PLCE1: variants seen among roughly 807,000 people sequenced by gnomAD.
PLCE1 encodes the protein phospholipase C epsilon 1, also known as 1-phosphatidylinositol 4,5-bisphosphate phosphodiesterase epsilon-1.
A neutral mutation model predicts 242.8 loss-of-function variants in PLCE1; 119 were observed. The ratio of observed to expected loss-of-function variants is 0.49; its 90% CI spans 0.42 to 0.57. The LOEUF is 0.57. PLCE1 is among the 20% of genes least tolerant of loss of function. The pLI, the probability that PLCE1 is intolerant of heterozygous loss-of-function variation, is 0.00. For missense variants in PLCE1, 2,441 were observed against 2,788.8 expected (o/e 0.88, Z 2.81); for synonymous variants, 945 against 1,017.4 (o/e 0.93, Z 1.35).
intron 2 of PLCE1, among the ~76,000 whole-genome samples, chr10:94,070,782 C>T (rs2044329398): frequency 6.6e-6 from 1 of 152,284 alleles, no homozygotes; most frequent in South Asian, 2.1e-4. Flanking sequence ...ATTGTTTATT[C>T]TATACCTTCA....
intron 6 of PLCE1, among the ~76,000 whole-genome samples, chr10:94,234,613 G>C (rs113564564): frequency 1.5e-4 from 23 of 152,184 alleles, no homozygotes; most frequent in African/African-American, 5.6e-4. Context: ...TTCTTATTGG[G>C]TGGGAATGTC....
chr10:94,173,401 T>C (rs1352742386), intron 4 of PLCE1, among the ~76,000 whole-genome samples: 5 of 152,188 alleles, frequency 3.3e-5, no homozygotes, highest in Non-Finnish European at 7.3e-5. Flanking sequence ...TGATTTTCCT[T>C]ACTGATAAAA....
At chr10:94,281,792 C>G (rs2052236135) in intron 20 of PLCE1, among the ~76,000 whole-genome samples, 1 of 152,082 alleles carries the variant, frequency 6.6e-6, no homozygotes, top group African/African-American at 2.4e-5. Context: ...CTGGATGATT[C>G]TCAAACAGGC....
At chr10:94,269,073 A>G in intron 17 of PLCE1, 37 bp downstream of exon 17, 2 of 1,005,274 alleles carry the variant, frequency 2.0e-6, no homozygotes, top group Non-Finnish European at 1.6e-6. Flanking sequence ...CAAATCACAA[A>G]GAGACATTAT....
rs141055454 is a variant in PLCE1 at position 94,295,986 on chromosome 10, C to G, written c.5167+2347C>G. ...AAGAGAGACAGCCTTTTCTTTGAAG[C>G]CAGGCATTGACTTATCTTCTCTAGC... On this transcript the variant is annotated intron_variant, in intron 23 of 32. Coordinates refer to ENST00000371380, the MANE Select transcript of PLCE1 (RefSeq NM_016341.4). 4.0e-3 allele frequency among the ~76,000 whole-genome samples: 606 copies of G among 152,284 alleles called. 4 individuals carry two copies. Among genetic ancestry groups the G allele is most frequent in the African/African-American group, 0.013 (554 of 41,558 alleles).
At chr10:94,272,353 T>C (rs2051777250) in intron 18 of PLCE1, among the ~76,000 whole-genome samples, 1 of 152,202 alleles carries the variant, frequency 6.6e-6, no homozygotes, top group Admixed American at 6.5e-5. Context: ...GTTTATAGGC[T>C]CTCTGCAACA....
chr10:94,004,110 C>A (rs1192288812), intron 1 of PLCE1, among the ~76,000 whole-genome samples: 2 of 151,704 alleles, frequency 1.3e-5, no homozygotes, highest in African/African-American at 4.8e-5. Flanking sequence ...CGCGCCACTG[C>A]ACTCCAGCGT....
intron 2 of PLCE1, among the ~76,000 whole-genome samples, chr10:94,053,319 A>G (rs549252777): frequency 6.6e-6 from 1 of 152,372 alleles, no homozygotes; most frequent in East Asian, 1.9e-4. Flanking sequence ...TGTTCAATAG[A>G]TTTTAGCTGC....
chr10:94,203,754 T>C (rs2049053711), intron 4 of PLCE1, among the ~76,000 whole-genome samples: 1 of 152,182 alleles, frequency 6.6e-6, no homozygotes, highest in African/African-American at 2.4e-5. Context: ...TTGATGATGA[T>C]GAAGAGAAGA....
Position 94,073,877 on chromosome 10 carries a change from A to G in PLCE1, c.1206+41625A>G, listed in dbSNP as rs183877539. Among the ~76,000 whole-genome samples, 248 of 152,326 alleles carry G rather than the reference A, an allele frequency of 1.6e-3. 1 individual carries two copies. The highest frequency in any genetic ancestry group is 3.0e-3 in the Non-Finnish European group (203 of 68,034). On this transcript the variant is annotated intron_variant, in intron 2 of 32. Transcript: ENST00000371380. ...TTCAAATCCAGCTCCTGGACTGACA[A>G]AAATTAGGGTGTTTATATAGCACAG...
intron 4 of PLCE1, among the ~76,000 whole-genome samples, chr10:94,173,131 A>G (rs913903915): frequency 1.3e-5 from 2 of 152,178 alleles, no homozygotes; most frequent in Admixed American, 6.5e-5. Flanking sequence ...GTGGAGATGA[A>G]GTTATTTTCC....
chr10:94,180,342 G>A (rs1041045294), intron 4 of PLCE1, among the ~76,000 whole-genome samples: 3 of 152,186 alleles, frequency 2.0e-5, no homozygotes, highest in Non-Finnish European at 4.4e-5. Context: ...TGAACTAGGA[G>A]ATTGTGGCCC....
Position 94,031,154 on chromosome 10 carries a change from C to T in PLCE1, c.108C>T (p.Ile36=), listed in dbSNP as rs1196077053. Residue 36 remains isoleucine, a synonymous_variant, in exon 2 of 33, where the codon ATC becomes ATT. Coordinates refer to ENST00000371380, the MANE Select transcript of PLCE1 (RefSeq NM_016341.4). ...AAAGTAGTGAAAAGGTCTCAGACAT[C>T]AATATTTCAAAAGCACATACTGTCA... is the stretch of plus-strand genomic sequence containing the variant. ...ADESSEKVSD[I]NISKAHTVRR... is the part of the protein sequence containing the mutation. The T allele has an allele frequency of 1.2e-6, 2 of 1,613,664 alleles. No homozygotes were observed. Among genetic ancestry groups the T allele is most frequent in the Non-Finnish European group, 1.7e-6 (2 of 1,179,828 alleles).
At chr10:94,128,080 T>C (rs897198769) in intron 2 of PLCE1, among the ~76,000 whole-genome samples, 3 of 150,698 alleles carry the variant, frequency 2.0e-5, no homozygotes, top group African/African-American at 4.9e-5. Context: ...CTTCGCCTCC[T>C]GGGTTCAAGT....
Position 94,146,536 on chromosome 10 carries a change from G to T in PLCE1, c.1492+14077G>T, listed in dbSNP as rs142278747. ...AAGGCCTTCTCCAGGCTTACATAAA[G>T]CATAGGTCTTGACCAAATGTGAAAA... On this transcript the variant is annotated intron_variant, in intron 3 of 32. Transcript: ENST00000371380. 4.0e-3 allele frequency among the ~76,000 whole-genome samples: 615 copies of T among 152,260 alleles called. 3 individuals carry two copies. Among genetic ancestry groups the T allele is most frequent in the African/African-American group, 0.014 (566 of 41,554 alleles).
rs551302109 is a variant in PLCE1, at chr10:94,021,969, A to G, written c.-364-8714A>G. On this transcript the variant is annotated intron_variant, in intron 1 of 32. Coordinates refer to ENST00000371380, the MANE Select transcript of PLCE1 (RefSeq NM_016341.4). The stretch of plus-strand genomic sequence containing the variant: ...AATATATTAAATAGTGATGTATTGA[A>G]TATTTTCCCCATATGAATGAGGACA... Among the ~76,000 whole-genome samples the G allele has an allele frequency of 3.9e-5, 6 of 152,212 alleles. No individual in the cohort carries two copies. The East Asian group carries it at 1.2e-3, about 29-fold the overall frequency.
At chr10:94,037,970 T>G (rs1250903084) in intron 2 of PLCE1, among the ~76,000 whole-genome samples, 2 of 152,150 alleles carry the variant, frequency 1.3e-5, no homozygotes, top group Admixed American at 6.5e-5. Context: ...TAATGGGAAT[T>G]AGCAGCTGGA....
intron 2 of PLCE1, among the ~76,000 whole-genome samples, chr10:94,092,941 T>A (rs2045136697): frequency 6.6e-6 from 1 of 152,202 alleles, no homozygotes; most frequent in African/African-American, 2.4e-5. Context: ...TTTGCCTTGG[T>A]CTTTTCAGAA....
intron 32 of PLCE1, among the ~76,000 whole-genome samples, chr10:94,326,218 C>G (rs1382129510): frequency 6.6e-6 from 1 of 152,164 alleles, no homozygotes; most frequent in Non-Finnish European, 1.5e-5. Context: ...CAGAGCTTCA[C>G]CATCTGCCTT....
Sources: allele counts gnomAD v4.1 joint callset (sites outside exome capture counted in the v4.1 genomes callset), GRCh38; gene constraint gnomAD v4.1.1; transcripts MANE v1.5; gene names NCBI Gene and HGNC (gene_info 2026-07-23, HGNC 2026-07-21).